The following PARP8 variants were observed in gnomAD, a reference collection of about 807,000 sequenced individuals.
PARP8 encodes protein mono-ADP-ribosyltransferase PARP8.
Under a neutral mutation model 124.1 loss-of-function variants are expected in PARP8, and 51 were observed. That is an observed-to-expected ratio of 0.41 (90% CI 0.33 to 0.52). The LOEUF (loss-of-function observed/expected upper bound fraction) is 0.52, where lower values mean the gene tolerates loss of function less well. Ranked by LOEUF, PARP8 falls within the 20% of genes least tolerant of loss-of-function variation. PARP8 has a pLI of 0.21. For missense variants in PARP8, 860 were observed against 1,018.9 expected, an observed-to-expected ratio of 0.84 and a Z score of 2.12; for synonymous variants, 391 against 361.5, an observed-to-expected ratio of 1.08 and a Z score of -0.93.
At chr5:50,820,152 G>A (rs570129908) in intron 15 of PARP8, among the ~76,000 whole-genome samples, 1 of 152,236 alleles carries the variant, frequency 6.6e-6, no homozygotes, top group South Asian at 2.1e-4. Context: ...ATGATTGGGT[G>A]GGTGTGTTTT....
At chr5:50,763,440 A>T (rs191418363) in intron 7 of PARP8, among the ~76,000 whole-genome samples, 198 bp downstream of exon 7, 36 of 152,260 alleles carry the variant, frequency 2.4e-4, no homozygotes, top group African/African-American at 7.9e-4. Context: ...GATTACATTG[A>T]TTGCATTAAA....
chr5:50,692,102 C>T (rs1168305582), intron 2 of PARP8, among the ~76,000 whole-genome samples: 1 of 152,082 alleles, frequency 6.6e-6, no homozygotes, highest in Non-Finnish European at 1.5e-5. Flanking sequence ...TTCCATTCAA[C>T]CCATAGCAAA....
intron 14 of PARP8, among the ~76,000 whole-genome samples, chr5:50,814,326 TAAAGGA>T (rs1246003073): frequency 6.6e-6 from 1 of 151,626 alleles, no homozygotes; most frequent in Non-Finnish European, 1.5e-5. Flanking sequence ...ACACTCAAGT[TAAAGGA>T]AAAGTTGTTG....
Position 50,814,623 on chromosome 5 carries a change from A to C in PARP8, c.1576-809A>C, listed in dbSNP as rs535155692. On this transcript the variant is annotated intron_variant, in intron 14 of 25. Transcript: ENST00000281631. ...AATTCTGAACATAAATGATGTTCAG[A>C]ATGGGGCCATACATCCCCACTGGTT... Among the ~76,000 whole-genome samples the C allele has an allele frequency of 1.6e-4, 25 of 152,228 alleles. 1 individual carries two copies. Among genetic ancestry groups the C allele is most frequent in the South Asian group, 1.5e-3 (7 of 4,824 alleles).
intron 3 of PARP8, 60 bp downstream of exon 3, chr5:50,750,248 C>T (rs1266667353): frequency 3.7e-6 from 5 of 1,367,856 alleles, no homozygotes; most frequent in Non-Finnish European, 4.1e-6. Flanking sequence ...ATATTTTTTT[C>T]TTCTGGAGAT....
intron 2 of PARP8, among the ~76,000 whole-genome samples, chr5:50,682,775 A>G (rs978685857): frequency 3.9e-5 from 6 of 152,150 alleles, no homozygotes; most frequent in Admixed American, 2.0e-4. Flanking sequence ...TTTATATCCT[A>G]CTGATTGCTT....
At chr5:50,751,614 A>G (rs1759275877) in intron 3 of PARP8, among the ~76,000 whole-genome samples, 1 of 152,092 alleles carries the variant, frequency 6.6e-6, no homozygotes, top group Non-Finnish European at 1.5e-5. Context: ...GCACATACAT[A>G]ATTTCATTTG....
intron 7 of PARP8, among the ~76,000 whole-genome samples, chr5:50,764,859 A>G (rs1760900880): frequency 6.6e-6 from 1 of 151,898 alleles, no homozygotes; most frequent in Non-Finnish European, 1.5e-5. Context: ...GAAAGCTTAA[A>G]ACTTTAATTT....
In PARP8 at chr5:50,822,297, C is replaced by A. The variant is rs150975104; in HGVS notation, c.1795-38C>A. 497 of 1,440,498 alleles carry A rather than the reference C, an allele frequency of 3.5e-4. 7 individuals carry two copies. In the East Asian group the frequency reaches 0.01, roughly 30 times the overall value. 89.2% of individuals were successfully genotyped at this position (1,440,498 alleles called of 1,614,324 possible). A position where few individuals can be genotyped will look rare whatever the true frequency, so the allele number is the denominator to read the frequency against. ...ATACAGACTTGCAAGAGCTTATAAG[C>A]AAATGCTGTTTTTTAACATCACTTT... On this transcript the variant is annotated intron_variant, in intron 16 of 25. Coordinates refer to ENST00000281631, the MANE Select transcript of PARP8 (RefSeq NM_024615.4).
chr5:50,839,022 T>C (rs1327782840), intron 25 of PARP8, among the ~76,000 whole-genome samples: 1 of 152,032 alleles, frequency 6.6e-6, no homozygotes, highest in Non-Finnish European at 1.5e-5. Flanking sequence ...GATGAGGTCT[T>C]AGCTATGTTA....
chr5:50,810,164 C>A (rs1744279317), intron 14 of PARP8, among the ~76,000 whole-genome samples: 1 of 151,712 alleles, frequency 6.6e-6, no homozygotes. Context: ...TATTTTATAG[C>A]AAATATGTAC....
chr5:50,695,946 A>G (rs989980499), intron 2 of PARP8, among the ~76,000 whole-genome samples: 3 of 152,188 alleles, frequency 2.0e-5, no homozygotes, highest in African/African-American at 7.2e-5. Flanking sequence ...TAACAAAGAC[A>G]TGATTTTGAG....
At chr5:50,733,820 A>G (rs892408661) in intron 2 of PARP8, among the ~76,000 whole-genome samples, 4 of 152,106 alleles carry the variant, frequency 2.6e-5, no homozygotes, top group Admixed American at 6.6e-5. Flanking sequence ...CAGATTCCCT[A>G]CAGTTTCTTA....
intron 17 of PARP8, among the ~76,000 whole-genome samples, chr5:50,823,040 T>C (rs936347446): frequency 1.3e-5 from 2 of 152,238 alleles, no homozygotes; most frequent in South Asian, 2.1e-4. Flanking sequence ...AAACTTATCA[T>C]TGTAAGTAGA....
intron 2 of PARP8, among the ~76,000 whole-genome samples, chr5:50,729,163 G>A (rs1286070899): frequency 3.9e-5 from 6 of 152,040 alleles, no homozygotes; most frequent in Non-Finnish European, 8.8e-5. Context: ...TGGTGACTAT[G>A]AACTAAGTAA....
chr5:50,785,344 T>C (rs939487046), intron 9 of PARP8, among the ~76,000 whole-genome samples: 5 of 152,326 alleles, frequency 3.3e-5, no homozygotes, highest in African/African-American at 7.2e-5. Context: ...TCTAGTGTTA[T>C]ATAACCCTTC....
intron 3 of PARP8, among the ~76,000 whole-genome samples, chr5:50,755,217 G>A (rs1759791807): frequency 6.6e-6 from 1 of 152,112 alleles, no homozygotes; most frequent in Admixed American, 6.5e-5. Flanking sequence ...GTCTTTTGTT[G>A]CCATTGCTTT....
At chr5:50,808,659 GT>G (rs1744121808) in intron 14 of PARP8, among the ~76,000 whole-genome samples, 1 of 152,002 alleles carries the variant, frequency 6.6e-6, no homozygotes. Context: ...ACAGCTATCC[GT>G]TTGGGAACAA....
intron 14 of PARP8, among the ~76,000 whole-genome samples, chr5:50,813,099 C>A (rs1407152866): frequency 6.6e-6 from 1 of 152,168 alleles, no homozygotes; most frequent in Admixed American, 6.5e-5. Context: ...TCCATATGAA[C>A]TTTAAAGTAG....
Sources: allele counts gnomAD v4.1 joint callset (sites outside exome capture counted in the v4.1 genomes callset), GRCh38; gene constraint gnomAD v4.1.1; transcripts MANE v1.5; gene names NCBI Gene and HGNC (gene_info 2026-07-23, HGNC 2026-07-21).